CLCN3: variants seen among roughly 807,000 people sequenced by gnomAD.
CLCN3 encodes H(+)/Cl(-) exchange transporter 3.
In CLCN3, 16 loss-of-function variants were observed where a neutral mutation model predicts 83.4. That is an observed-to-expected ratio of 0.19 (90% confidence interval 0.13 to 0.29). CLCN3 has a LOEUF of 0.29. Ranked by LOEUF, CLCN3 falls within the 10% of genes least tolerant of loss-of-function variation. CLCN3 has a pLI of 1.00. For missense variants in CLCN3, 544 were observed against 1,006.0 expected, an observed-to-expected ratio of 0.54 and a Z score of 6.21; for synonymous variants, 322 against 346.2, an observed-to-expected ratio of 0.93 and a Z score of 0.78.
At position 169,620,608 on chromosome 4, in the gene CLCN3, C is replaced by G. The variant is rs899964041; in HGVS notation, c.-472C>G. ...CCCCTTCCGTGGGTCAGGGCCGGTC[C>G]GGTCCGGAACCTGCAGCCCCTTTCC... On this transcript the variant is annotated 5_prime_UTR_variant, in exon 1 of 13. Transcript: ENST00000513761. 7 of 397,216 alleles carry G rather than the reference C, an allele frequency of 1.8e-5. No homozygotes were observed. The highest frequency in any genetic ancestry group is 2.7e-5 in the Non-Finnish European group (6 of 225,850). The allele number at this position is 397,216 out of a possible 1,614,324, so 24.6% of individuals were successfully genotyped here. A position where few individuals can be genotyped will look rare whatever the true frequency, so the allele number is the denominator to read the frequency against.
chr4:169,678,727 G>T (rs1306196289), intron 2 of CLCN3, among the ~76,000 whole-genome samples: 1 of 152,156 alleles, frequency 6.6e-6, no homozygotes, highest in Non-Finnish European at 1.5e-5. Context: ...GAGAGCAGGG[G>T]GTTGGGGGTA....
intron 2 of CLCN3, among the ~76,000 whole-genome samples, chr4:169,672,220 TGATA>T (rs70964217): frequency 1.1e-3 from 157 of 145,610 alleles, no homozygotes; most frequent in East Asian, 4.4e-3. Context: ...TCAAAATAAA[TGATA>T]GATAGATAGA....
intron 2 of CLCN3, among the ~76,000 whole-genome samples, chr4:169,678,617 A>C (rs1401405505): frequency 6.6e-6 from 1 of 151,670 alleles, no homozygotes; most frequent in Non-Finnish European, 1.5e-5. Context: ...AGTGGTGATG[A>C]CTCTTAATGA....
intron 11 of CLCN3, 59 bp from the exon 12 acceptor site, chr4:169,713,020 G>T (rs1733281785): frequency 2.0e-5 from 25 of 1,226,604 alleles, no homozygotes; most frequent in Middle Eastern, 1.9e-4. Context: ...TGAATAAACA[G>T]GTTGCCTACT....
intron 2 of CLCN3, among the ~76,000 whole-genome samples, chr4:169,678,567 C>T (rs1428938171): frequency 6.6e-6 from 1 of 152,128 alleles, no homozygotes; most frequent in East Asian, 1.9e-4. Flanking sequence ...ACCCTGCGGC[C>T]TTCCACAGTG....
At chr4:169,677,240 A>C (rs1158694792) in intron 2 of CLCN3, among the ~76,000 whole-genome samples, 2 of 152,066 alleles carry the variant, frequency 1.3e-5, no homozygotes, top group Non-Finnish European at 2.9e-5. Flanking sequence ...TATGTAAAAA[A>C]TTCTTAATAG....
At chr4:169,660,389 C>G in intron 2 of CLCN3, 1 of 1,406,146 alleles carries the variant, frequency 7.1e-7, no homozygotes, top group Non-Finnish European at 9.2e-7. Flanking sequence ...TCTTCCGACC[C>G]TTATTTGCCT....
Position 169,668,115 on chromosome 4 carries a change from T to TA in CLCN3, c.161-11934dup, listed in dbSNP as rs530777183. On this transcript the variant is annotated intron_variant, in intron 2 of 12. Coordinates refer to ENST00000513761, the MANE Select transcript of CLCN3 (RefSeq NM_001829.4). ...CTTTTGGTTAAGCGATATTATAACT[T>TA]AGTCATATGAGTAATATAATGCAAC... 1.4e-3 allele frequency among the ~76,000 whole-genome samples: 213 copies of TA among 150,410 alleles called. 1 individual carries two copies. The highest frequency in any genetic ancestry group is 5.0e-3 in the African/African-American group (205 of 40,764).
At chr4:169,652,404 G>A (rs925948314) in intron 2 of CLCN3, among the ~76,000 whole-genome samples, 2 of 152,154 alleles carry the variant, frequency 1.3e-5, no homozygotes, top group African/African-American at 2.4e-5. Flanking sequence ...ATATGTCTTT[G>A]TTTCTTGGTT....
At chr4:169,655,057 T>C (rs1453874865) in intron 2 of CLCN3, among the ~76,000 whole-genome samples, 7 of 152,204 alleles carry the variant, frequency 4.6e-5, no homozygotes, top group Non-Finnish European at 8.8e-5. Context: ...TGAACCACTT[T>C]TATTTTTTAA....
intron 2 of CLCN3, chr4:169,659,931 T>A (rs905974576): frequency 7.8e-6 from 4 of 512,922 alleles, no homozygotes; most frequent in Admixed American, 1.3e-4. Flanking sequence ...ATTTCCTTTT[T>A]ACATCTCTGT....
At chr4:169,666,614 A>T (rs1446584863) in intron 2 of CLCN3, among the ~76,000 whole-genome samples, 1 of 152,240 alleles carries the variant, frequency 6.6e-6, no homozygotes, top group Admixed American at 6.5e-5. Context: ...AAGTGCATAT[A>T]CATATGTGTT....
intron 7 of CLCN3, among the ~76,000 whole-genome samples, chr4:169,693,833 ATTAG>A (rs1044517244): frequency 4.6e-5 from 7 of 152,322 alleles, no homozygotes; most frequent in African/African-American, 1.7e-4. Flanking sequence ...TACTGTAGTG[ATTAG>A]TTAATGTTTA....
chr4:169,622,729 A>G (rs1203089005), intron 1 of CLCN3, among the ~76,000 whole-genome samples: 1 of 152,186 alleles, frequency 6.6e-6, no homozygotes, highest in Non-Finnish European at 1.5e-5. Flanking sequence ...GCCCTACAGT[A>G]ACTGTCAGAA....
chr4:169,691,058 G>A (rs1344144261), intron 6 of CLCN3, among the ~76,000 whole-genome samples: 1 of 152,068 alleles, frequency 6.6e-6, no homozygotes, highest in East Asian at 1.9e-4. Context: ...GAGTGCAGTG[G>A]CGCAATCTCA....
chr4:169,709,382 T>A (rs1429331224), intron 11 of CLCN3, among the ~76,000 whole-genome samples: 8 of 145,216 alleles, frequency 5.5e-5, no homozygotes. Context: ...GCTGAGACTT[T>A]AAAAAAAAAA....
At chr4:169,663,533 T>C in intron 2 of CLCN3, 1 of 292,492 alleles carries the variant, frequency 3.4e-6, no homozygotes, top group Non-Finnish European at 6.8e-6. Flanking sequence ...TTAGGGAGAG[T>C]CTCACTATGT....
rs998318239 is a variant in CLCN3, at chr4:169,721,358, TC to T, written c.*1363del. The T allele has an allele frequency of 1.8e-4, 28 of 152,230 alleles. No homozygotes were observed. Among genetic ancestry groups the T allele is most frequent in the African/African-American group, 6.8e-4 (28 of 41,458 alleles). The allele number at this position is 152,230 out of a possible 1,614,324, so 9.4% of individuals were successfully genotyped here. A position where few individuals can be genotyped will look rare whatever the true frequency, so the allele number is the denominator to read the frequency against. ...AAAGGTTGTGGTTCTCTCTCTGTGATCCAGTGTGCACATAAACCTTTCTCTG... is the reference window on the plus strand; with the variant it reads ...AAAGGTTGTGGTTCTCTCTCTGTGATCAGTGTGCACATAAACCTTTCTCTG... On this transcript the variant is annotated 3_prime_UTR_variant, in exon 13 of 13. Coordinates refer to ENST00000513761, the MANE Select transcript of CLCN3 (RefSeq NM_001829.4).
chr4:169,704,504 C>T (rs1732916252), intron 10 of CLCN3, among the ~76,000 whole-genome samples: 1 of 152,158 alleles, frequency 6.6e-6, no homozygotes. Context: ...TTGATTCTTT[C>T]ATCGTTAAGG....
Sources: allele counts gnomAD v4.1 joint callset (sites outside exome capture counted in the v4.1 genomes callset), GRCh38; gene constraint gnomAD v4.1.1; transcripts MANE v1.5; gene names NCBI Gene and HGNC (gene_info 2026-07-23, HGNC 2026-07-21).